ARHGAP15: variants seen among roughly 807,000 people sequenced by gnomAD.
ARHGAP15 encodes the protein Rho GTPase activating protein 15.
In ARHGAP15, 51 loss-of-function variants were observed where a neutral mutation model predicts 63.7. The observed-to-expected ratio is 0.80, with a 90% CI of 0.64 to 1.01. The LOEUF (loss-of-function observed/expected upper bound fraction) is 1.01, where lower values mean the gene tolerates loss of function less well. ARHGAP15 is among the 50% of genes least tolerant of loss of function. The pLI, the probability that ARHGAP15 is intolerant of heterozygous loss-of-function variation, is 0.00. For synonymous variants in ARHGAP15, 191 were observed against 193.8 expected, an observed-to-expected ratio of 0.99 and a Z score of 0.12; for missense variants, 560 against 564.6, an observed-to-expected ratio of 0.99 and a Z score of 0.08.
intron 13 of ARHGAP15, among the ~76,000 whole-genome samples, chr2:143,766,439 A>ACT (rs1686948805): frequency 6.6e-6 from 1 of 152,098 alleles, no homozygotes; most frequent in Admixed American, 6.6e-5. Context: ...TCCTTATTTT[A>ACT]CTTCACAATG....
intron 4 of ARHGAP15, among the ~76,000 whole-genome samples, chr2:143,225,769 A>G (rs1350693757): frequency 6.6e-6 from 1 of 152,178 alleles, no homozygotes; most frequent in Non-Finnish European, 1.5e-5. Context: ...GTAAATAGAG[A>G]TGTTAGTACT....
chr2:143,699,373 C>T (rs563776698), intron 12 of ARHGAP15, among the ~76,000 whole-genome samples: 3 of 152,294 alleles, frequency 2.0e-5, no homozygotes, highest in Admixed American at 6.5e-5. Flanking sequence ...TACACTTCCC[C>T]ATTTAGCACT....
In ARHGAP15 at chr2:143,233,934, C is replaced by T. The variant is rs534064375; in HGVS notation, c.384+5266C>T. 1.8e-4 allele frequency among the ~76,000 whole-genome samples: 28 copies of T among 152,210 alleles called. 1 individual carries two copies. In the Middle Eastern group the frequency reaches 0.01, roughly 55 times the overall value. ...TGCTGGGATTACAGGTGTCAGCCAC[C>T]GCACCAGGCCCAATGGCTATCTTTT... On this transcript the variant is annotated intron_variant, in intron 5 of 13. Transcript: ENST00000295095.
intron 13 of ARHGAP15, among the ~76,000 whole-genome samples, chr2:143,738,734 A>T (rs1288340293): frequency 6.6e-6 from 1 of 152,206 alleles, no homozygotes; most frequent in Non-Finnish European, 1.5e-5. Flanking sequence ...GAGCTCTAAA[A>T]TCCGCAAATC....
intron 10 of ARHGAP15, among the ~76,000 whole-genome samples, chr2:143,541,872 T>G (rs776973608): frequency 3.3e-5 from 5 of 152,182 alleles, no homozygotes; most frequent in Non-Finnish European, 7.4e-5. Context: ...TCTCAAGCTG[T>G]TTGCTGGGCG....
At chr2:143,737,757 TA>T (rs1685805832) in intron 13 of ARHGAP15, among the ~76,000 whole-genome samples, 1 of 151,490 alleles carries the variant, frequency 6.6e-6, no homozygotes, top group African/African-American at 2.4e-5. Flanking sequence ...TTTATTTATT[TA>T]TTTATTTATT....
At chr2:143,314,881 A>C (rs1200162473) in intron 6 of ARHGAP15, among the ~76,000 whole-genome samples, 1 of 152,220 alleles carries the variant, frequency 6.6e-6, no homozygotes, top group Admixed American at 6.5e-5. Context: ...AAACACTTTG[A>C]CAAATCAATT....
At chr2:143,545,940 A>T (rs1393084312) in intron 10 of ARHGAP15, among the ~76,000 whole-genome samples, 1 of 152,200 alleles carries the variant, frequency 6.6e-6, no homozygotes, top group African/African-American at 2.4e-5. Context: ...TCTAGAGGAA[A>T]TTTAGCTCTC....
chr2:143,145,209 G>C lies in ARHGAP15; in HGVS notation c.-14-10268G>C, dbSNP rs145601198. ...TTAATACAGACAATCTTTAATTCTA[G>C]TGGAATGGGGTTTTGTGGATTCAAC... On this transcript the variant is annotated intron_variant, in intron 1 of 13. Transcript: ENST00000295095. Among the ~76,000 whole-genome samples the C allele has an allele frequency of 1.1e-4, 16 of 152,146 alleles. No individual in the cohort carries two copies. The East Asian group carries it at 2.5e-3, about 24-fold the overall frequency.
At chr2:143,386,983 C>T (rs931062856) in intron 6 of ARHGAP15, among the ~76,000 whole-genome samples, 1 of 151,872 alleles carries the variant, frequency 6.6e-6, no homozygotes, top group African/African-American at 2.4e-5. Flanking sequence ...AGAGAAACAA[C>T]AGACACTGAG....
chr2:143,625,126 A>G (rs1698786173), intron 12 of ARHGAP15, among the ~76,000 whole-genome samples: 1 of 152,176 alleles, frequency 6.6e-6, no homozygotes, highest in African/African-American at 2.4e-5. Context: ...TAAGGAAGAA[A>G]AAGAAAGAAG....
At chr2:143,538,188 A>G (rs1694869997) in intron 10 of ARHGAP15, among the ~76,000 whole-genome samples, 1 of 151,854 alleles carries the variant, frequency 6.6e-6, no homozygotes, top group Admixed American at 6.6e-5. Context: ...TTTGTCTGTT[A>G]TTGCTGTATA....
chr2:143,330,121 AAAAAAAAAAACC>A lies in ARHGAP15; in HGVS notation c.474+79527_474+79538del, dbSNP rs1558897942. Among the ~76,000 whole-genome samples the A allele has an allele frequency of 5.2e-4, 45 of 87,256 alleles. 6 individuals are homozygous for A. Among genetic ancestry groups the A allele is most frequent in the Non-Finnish European group, 7.9e-4 (35 of 44,120 alleles). The allele number at this position is 87,256 out of a possible 152,430, so 57.2% of individuals were successfully genotyped here. ...AAAAAAAAAAAAAAAAAAAAAAAAA[AAAAAAAAAAACC>A]AAAAACAAAAAACTAAACTAATGAT... On this transcript the variant is annotated intron_variant, in intron 6 of 13. Transcript: ENST00000295095.
intron 11 of ARHGAP15, among the ~76,000 whole-genome samples, chr2:143,595,542 A>G (rs1242321565): frequency 1.3e-5 from 2 of 152,126 alleles, no homozygotes; most frequent in Non-Finnish European, 2.9e-5. Flanking sequence ...CCACTAGAAT[A>G]GGATTCCTAA....
rs558442028 is a variant in ARHGAP15, at chr2:143,448,285, A to T, written c.703+11243A>T. Reference sequence around the variant, plus strand: ...AAGGGTCTCTCACGGAATGCTAAAAAATTAGGACTTTTCACTATAAATAAT... The same window carrying T: ...AAGGGTCTCTCACGGAATGCTAAAATATTAGGACTTTTCACTATAAATAAT... On this transcript the variant is annotated intron_variant, in intron 8 of 13. Coordinates refer to ENST00000295095, the MANE Select transcript of ARHGAP15 (RefSeq NM_018460.4). Among the ~76,000 whole-genome samples the T allele has an allele frequency of 3.3e-5, 5 of 152,294 alleles. No homozygotes were observed. In the East Asian group the frequency reaches 5.8e-4, roughly 18 times the overall value.
intron 6 of ARHGAP15, among the ~76,000 whole-genome samples, chr2:143,341,790 C>T (rs1006189650): frequency 1.3e-5 from 2 of 152,096 alleles, no homozygotes; most frequent in African/African-American, 4.8e-5. Flanking sequence ...AGTTAGTAGA[C>T]CCACATTGCC....
intron 6 of ARHGAP15, among the ~76,000 whole-genome samples, chr2:143,392,919 T>C (rs150284779): frequency 6.4e-4 from 98 of 152,152 alleles, no homozygotes; most frequent in Middle Eastern, 3.4e-3. Flanking sequence ...GAAATCTCCA[T>C]AGATAAAAAA....
chr2:143,614,486 A>G (rs879483082), intron 11 of ARHGAP15, among the ~76,000 whole-genome samples: 20 of 152,318 alleles, frequency 1.3e-4, no homozygotes, highest in Admixed American at 5.2e-4. Context: ...TTGAAAGAGA[A>G]TGATAAACAA....
At chr2:143,416,409 G>A (rs544005895) in intron 6 of ARHGAP15, among the ~76,000 whole-genome samples, 1 of 152,254 alleles carries the variant, frequency 6.6e-6, no homozygotes, top group South Asian at 2.1e-4. Context: ...GCCATAAAGA[G>A]GCAAAATTAG....
Sources: allele counts gnomAD v4.1 joint callset (sites outside exome capture counted in the v4.1 genomes callset), GRCh38; gene constraint gnomAD v4.1.1; transcripts MANE v1.5; gene names NCBI Gene and HGNC (gene_info 2026-07-23, HGNC 2026-07-21).